PLXDC2: variants seen among roughly 807,000 people sequenced by gnomAD.
The protein encoded by PLXDC2 is plexin domain containing 2.
PLXDC2 carries 40 observed loss-of-function variants against 68.9 expected under a neutral mutation model. The observed-to-expected ratio is 0.58, with a 90% CI of 0.45 to 0.76. PLXDC2 has a LOEUF of 0.76. Among genes scored for constraint, PLXDC2 ranks in the 30% least tolerant of loss-of-function variants. The pLI, the probability that PLXDC2 is intolerant of heterozygous loss-of-function variation, is 0.00. For synonymous variants in PLXDC2, 243 were observed against 234.2 expected, an observed-to-expected ratio of 1.04 and a Z score of -0.34; for missense variants, 644 against 661.9, an observed-to-expected ratio of 0.97 and a Z score of 0.30.
intron 1 of PLXDC2, among the ~76,000 whole-genome samples, chr10:19,841,920 CA>C (rs752383889): frequency 2.0e-4 from 30 of 151,620 alleles, no homozygotes; most frequent in Non-Finnish European, 3.8e-4. Flanking sequence ...TTATAACATA[CA>C]AAAAAATAGA....
intron 4 of PLXDC2, among the ~76,000 whole-genome samples, chr10:20,098,645 C>T (rs539348470): frequency 6.6e-6 from 1 of 152,126 alleles, no homozygotes; most frequent in Non-Finnish European, 1.5e-5. Context: ...ACTTTCTTTC[C>T]TGCCAATAGC....
chr10:20,095,020 T>G (rs1482642453), intron 4 of PLXDC2, among the ~76,000 whole-genome samples: 1 of 152,210 alleles, frequency 6.6e-6, no homozygotes, highest in Non-Finnish European at 1.5e-5. Flanking sequence ...TGTAATGTGG[T>G]CCACAAATGT....
chr10:19,824,873 G>A (rs764542248), intron 1 of PLXDC2, among the ~76,000 whole-genome samples: 39 of 152,270 alleles, frequency 2.6e-4, no homozygotes, highest in Admixed American at 1.2e-3. Context: ...GTATAGATTT[G>A]TATATTTAAA....
intron 1 of PLXDC2, among the ~76,000 whole-genome samples, chr10:19,942,625 A>G (rs1833837224): frequency 6.6e-6 from 1 of 152,134 alleles, no homozygotes; most frequent in African/African-American, 2.4e-5. Context: ...TTAGCCGGGC[A>G]TGGTGGCGTG....
At chr10:20,244,515 CATCT>C (rs1437839148) in intron 12 of PLXDC2, among the ~76,000 whole-genome samples, 1 of 152,180 alleles carries the variant, frequency 6.6e-6, no homozygotes, top group African/African-American at 2.4e-5. Flanking sequence ...ATTAAGCATC[CATCT>C]GTTACACTTT....
At chr10:19,910,083 A>T (rs1260423775) in intron 1 of PLXDC2, among the ~76,000 whole-genome samples, 1 of 151,872 alleles carries the variant, frequency 6.6e-6, no homozygotes, top group African/African-American at 2.4e-5. Context: ...ATAATTTTTG[A>T]AGTCACCATT....
At chr10:19,884,459 C>T (rs986177043) in intron 1 of PLXDC2, among the ~76,000 whole-genome samples, 5 of 151,886 alleles carry the variant, frequency 3.3e-5, no homozygotes, top group African/African-American at 9.7e-5. Context: ...CCCACTAACT[C>T]GTCACCTAGC....
chr10:19,973,289 T>G, intron 1 of PLXDC2, among the ~76,000 whole-genome samples: 1 of 96,466 alleles, frequency 1.0e-5, no homozygotes, highest in Non-Finnish European at 2.2e-5. Flanking sequence ...TACACATACA[T>G]ATATATGTAT....
chr10:20,272,596 G>A (rs923564613), intron 13 of PLXDC2, among the ~76,000 whole-genome samples: 4 of 152,122 alleles, frequency 2.6e-5, no homozygotes, highest in African/African-American at 9.7e-5. Context: ...AGCCATGGTG[G>A]ATCAAAGCTA....
intron 9 of PLXDC2, among the ~76,000 whole-genome samples, chr10:20,206,612 C>G (rs774115377): frequency 6.6e-6 from 1 of 151,874 alleles, no homozygotes; most frequent in Non-Finnish European, 1.5e-5. Flanking sequence ...GAGCAAGAGG[C>G]CTGAATATAT....
rs551397890 is a variant in PLXDC2, at chr10:20,283,841, A to G, written c.*4022A>G. ...AGCTATGGCATTAAAATATAAAACTATTTGGAACTTAATGTAAACCTTTGC... is the reference window on the plus strand; with the variant it reads ...AGCTATGGCATTAAAATATAAAACTGTTTGGAACTTAATGTAAACCTTTGC... On this transcript the variant is annotated 3_prime_UTR_variant, in exon 14 of 14. Transcript: ENST00000377252. 3 of 152,356 alleles carry G rather than the reference A, an allele frequency of 2.0e-5. No individual in the cohort carries two copies. Among genetic ancestry groups the G allele is most frequent in the African/African-American group, 7.2e-5 (3 of 41,596 alleles). The allele number at this position is 152,356 out of a possible 1,614,324, so 9.4% of individuals were successfully genotyped here. A position where few individuals can be genotyped will look rare whatever the true frequency, so the allele number is the denominator to read the frequency against.
intron 13 of PLXDC2, among the ~76,000 whole-genome samples, chr10:20,263,903 T>G (rs1835839813): frequency 6.6e-6 from 1 of 151,938 alleles, no homozygotes; most frequent in South Asian, 2.1e-4. Context: ...ATTGTGAAAA[T>G]TACTCAAAGA....
chr10:19,956,279 G>C (rs987588397), intron 1 of PLXDC2, among the ~76,000 whole-genome samples: 1 of 151,930 alleles, frequency 6.6e-6, no homozygotes, highest in East Asian at 1.9e-4. Context: ...GGTGCAGGGG[G>C]GTGTCTCAGC....
At chr10:20,211,802 T>G (rs1170256057) in intron 10 of PLXDC2, 73 bp downstream of exon 10, 44 of 1,418,846 alleles carry the variant, frequency 3.1e-5, no homozygotes, top group Non-Finnish European at 4.0e-5. Context: ...GTTAATAATT[T>G]TTATTCAAAA....
intron 1 of PLXDC2, among the ~76,000 whole-genome samples, chr10:20,000,495 A>G (rs568865266): frequency 2.0e-5 from 3 of 152,014 alleles, no homozygotes; most frequent in Admixed American, 1.3e-4. Flanking sequence ...TCCTTACTCT[A>G]TGCATCATAA....
chr10:19,980,331 A>G (rs1191959096), intron 1 of PLXDC2, among the ~76,000 whole-genome samples: 1 of 152,220 alleles, frequency 6.6e-6, no homozygotes, highest in East Asian at 1.9e-4. Flanking sequence ...GAAACTAATT[A>G]ACTGCTAAAC....
chr10:20,166,542 A>G (rs926377029), intron 7 of PLXDC2, among the ~76,000 whole-genome samples: 1 of 152,140 alleles, frequency 6.6e-6, no homozygotes, highest in East Asian at 1.9e-4. Context: ...TCTTTCTTTC[A>G]GAGTTGTTAA....
chr10:20,269,292 G>T (rs1835906935), intron 13 of PLXDC2, among the ~76,000 whole-genome samples: 1 of 144,928 alleles, frequency 6.9e-6, no homozygotes, highest in African/African-American at 2.6e-5. Context: ...TGCATCTAAA[G>T]ACAGAGGACA....
At chr10:19,950,270 A>T (rs1380888726) in intron 1 of PLXDC2, among the ~76,000 whole-genome samples, 1 of 152,102 alleles carries the variant, frequency 6.6e-6, no homozygotes, top group East Asian at 1.9e-4. Context: ...AACCCTAAAG[A>T]CTCTACCAAA....
Sources: allele counts gnomAD v4.1 joint callset (sites outside exome capture counted in the v4.1 genomes callset), GRCh38; gene constraint gnomAD v4.1.1; transcripts MANE v1.5; gene names NCBI Gene and HGNC (gene_info 2026-07-23, HGNC 2026-07-21).